AIG1: variants seen among roughly 807,000 people sequenced by gnomAD.
AIG1 encodes the protein androgen induced 1.
A neutral mutation model predicts 31.4 loss-of-function variants in AIG1; 23 were observed. The ratio of observed to expected loss-of-function variants is 0.73; its 90% CI spans 0.53 to 1.04. The LOEUF is 1.04. Among genes scored for constraint, AIG1 ranks in the 50% least tolerant of loss-of-function variants. The pLI is 0.00. For synonymous variants in AIG1, 100 were observed against 110.5 expected, an observed-to-expected ratio of 0.90 and a Z score of 0.60; for missense variants, 274 against 295.0, an observed-to-expected ratio of 0.93 and a Z score of 0.52.
intron 1 of AIG1, among the ~76,000 whole-genome samples, chr6:143,068,074 C>T (rs1387863945): frequency 1.3e-5 from 2 of 152,132 alleles, no homozygotes; most frequent in Non-Finnish European, 2.9e-5. Context: ...ATATAATCAC[C>T]CATTCCCTCT....
chr6:143,069,193 T>G (rs1777013508), intron 1 of AIG1, among the ~76,000 whole-genome samples: 1 of 152,114 alleles, frequency 6.6e-6, no homozygotes, highest in Non-Finnish European at 1.5e-5. Flanking sequence ...TTTTTTGTAT[T>G]TTTAGTAGAG....
chr6:143,142,530 G>A lies in AIG1; in HGVS notation c.297+5540G>A, dbSNP rs1248413732. The stretch of plus-strand genomic sequence containing the variant: ...AGCCCCAGTGCTGGTCTGCTGCATC[G>A]CGGTATGAAGATGATAGCCCTTTCT... On this transcript the variant is annotated intron_variant, in intron 2 of 5. Transcript: ENST00000357847. Among the ~76,000 whole-genome samples the A allele has an allele frequency of 3.9e-5, 6 of 152,238 alleles. No individual in the cohort carries two copies. The South Asian group carries it at 1.2e-3, about 32-fold the overall frequency.
chr6:143,326,200 A>ATAT lies in AIG1; in HGVS notation c.516-7082_516-7081insTAT, dbSNP rs1562595518. Among the ~76,000 whole-genome samples the ATAT allele has an allele frequency of 2.7e-4, 41 of 152,216 alleles. No homozygotes were observed. The highest frequency in any genetic ancestry group is 9.9e-4 in the African/African-American group (41 of 41,456). On this transcript the variant is annotated intron_variant, in intron 4 of 5. Coordinates refer to ENST00000357847, the MANE Select transcript of AIG1 (RefSeq NM_016108.4). The surrounding 1 kb of genome is among the most constrained non-coding windows in gnomAD (Gnocchi z 4.5). ...TTCAAAGACTTTATATTTGCACACT[A>ATAT]GGACGGAGTCTACAATTCTTACCAT...
intron 3 of AIG1, among the ~76,000 whole-genome samples, chr6:143,239,383 C>T (rs1794056012): frequency 1.3e-5 from 2 of 152,226 alleles, no homozygotes; most frequent in Non-Finnish European, 2.9e-5. Flanking sequence ...CATGCTAACA[C>T]TGCCACTCAG....
intron 1 of AIG1, among the ~76,000 whole-genome samples, chr6:143,104,865 C>T (rs1353721220): frequency 6.6e-6 from 1 of 151,542 alleles, no homozygotes; most frequent in East Asian, 1.9e-4. Flanking sequence ...TGCCACTGCA[C>T]TCCAGCCTGG....
At chr6:143,091,519 A>G (rs1385526869) in intron 1 of AIG1, among the ~76,000 whole-genome samples, 2 of 152,236 alleles carry the variant, frequency 1.3e-5, no homozygotes, top group East Asian at 3.9e-4. Flanking sequence ...AATGCTAAAA[A>G]TCACAATCCT....
intron 3 of AIG1, among the ~76,000 whole-genome samples, chr6:143,209,205 C>T (rs1420121338): frequency 1.4e-4 from 22 of 152,214 alleles, no homozygotes; most frequent in Admixed American, 1.3e-3. Flanking sequence ...CCATTTACCA[C>T]GTACTGAATT....
intron 3 of AIG1, chr6:143,190,263 A>G: frequency 1.0e-6 from 1 of 985,504 alleles, no homozygotes. Flanking sequence ...ATTTAATATC[A>G]TGGATCACAG....
Position 143,065,441 on chromosome 6 carries a change from A to G in AIG1, c.141+4375A>G, listed in dbSNP as rs1413625. 2.6e-3 allele frequency among the ~76,000 whole-genome samples: 393 copies of G among 151,906 alleles called. 6 individuals carry two copies. The East Asian group carries it at 0.048, about 19-fold the overall frequency. ...TCAAATATTAACACTTTCTTAGTCAATATCACAGCTGATGAATTTTCTTCA... is the reference window on the plus strand; with the variant it reads ...TCAAATATTAACACTTTCTTAGTCAGTATCACAGCTGATGAATTTTCTTCA... On this transcript the variant is annotated intron_variant, in intron 1 of 5. Coordinates refer to ENST00000357847, the MANE Select transcript of AIG1 (RefSeq NM_016108.4).
At chr6:143,124,866 C>T (rs149092820) in intron 1 of AIG1, among the ~76,000 whole-genome samples, 3 of 152,216 alleles carry the variant, frequency 2.0e-5, no homozygotes, top group Non-Finnish European at 2.9e-5. Context: ...CCCCCATGAT[C>T]CAATTACCTC....
At chr6:143,061,533 C>G (rs944525479) in intron 1 of AIG1, 3 of 322,122 alleles carry the variant, frequency 9.3e-6, no homozygotes, top group African/African-American at 6.5e-5. Context: ...GGAACTTCAC[C>G]TGAAAGAACC....
intron 1 of AIG1, among the ~76,000 whole-genome samples, chr6:143,085,329 T>C (rs1421521011): frequency 6.6e-6 from 1 of 152,182 alleles, no homozygotes; most frequent in Non-Finnish European, 1.5e-5. Context: ...GTCCTAATGC[T>C]TATTCCTTTC....
At chr6:143,149,028 C>T (rs1177985740) in intron 2 of AIG1, among the ~76,000 whole-genome samples, 1 of 152,110 alleles carries the variant, frequency 6.6e-6, no homozygotes. Flanking sequence ...TAAGTACACT[C>T]TATGATGTTT....
At chr6:143,337,711 A>G (rs1489356583) in intron 5 of AIG1, among the ~76,000 whole-genome samples, 1 of 152,152 alleles carries the variant, frequency 6.6e-6, no homozygotes, top group African/African-American at 2.4e-5. Flanking sequence ...CTTCTCCTCC[A>G]GCTACCCGTG....
rs191720677 is a variant in AIG1 at position 143,307,850 on chromosome 6, G to T, written c.515+23625G>T. Among the ~76,000 whole-genome samples, 726 of 152,342 alleles carry T rather than the reference G, an allele frequency of 4.8e-3. 2 individuals carry two copies. Among genetic ancestry groups the T allele is most frequent in the African/African-American group, 0.017 (690 of 41,582 alleles). On this transcript the variant is annotated intron_variant, in intron 4 of 5. Coordinates refer to ENST00000357847, the MANE Select transcript of AIG1 (RefSeq NM_016108.4). ...CAGGCAGGCCTCCCTGAGCTGTGGT[G>T]GGCTCCACCCAGTTCAAGCTTCCCA...
At chr6:143,183,678 A>G (rs1212231348) in intron 3 of AIG1, among the ~76,000 whole-genome samples, 2 of 152,326 alleles carry the variant, frequency 1.3e-5, no homozygotes, top group African/African-American at 4.8e-5. Flanking sequence ...TCTATAAGTT[A>G]TATTCAGATA....
chr6:143,188,572 A>T (rs1789491649), intron 3 of AIG1: 1 of 985,282 alleles, frequency 1.0e-6, no homozygotes, highest in African/African-American at 1.7e-5. Context: ...GGACAGCAGA[A>T]GATTTCAGGG....
At chr6:143,074,334 G>A (rs1467447113) in intron 1 of AIG1, among the ~76,000 whole-genome samples, 2 of 152,156 alleles carry the variant, frequency 1.3e-5, no homozygotes, top group Non-Finnish European at 2.9e-5. Flanking sequence ...CATTTTCTGG[G>A]AACTATTCCC....
At chr6:143,261,895 G>C (rs1365417955) in intron 3 of AIG1, among the ~76,000 whole-genome samples, 1 of 152,228 alleles carries the variant, frequency 6.6e-6, no homozygotes, top group Non-Finnish European at 1.5e-5. Context: ...TTAAATTTAA[G>C]TTGGCTGATA....
Sources: allele counts gnomAD v4.1 joint callset (sites outside exome capture counted in the v4.1 genomes callset), GRCh38; gene constraint gnomAD v4.1.1; non-coding constraint Gnocchi (gnomAD v3.1); transcripts MANE v1.5; gene names NCBI Gene and HGNC (gene_info 2026-07-23, HGNC 2026-07-21).